NAALADL2: variants seen among roughly 807,000 people sequenced by gnomAD.
The protein encoded by NAALADL2 is inactive N-acetylated-alpha-linked acidic dipeptidase-like protein 2.
NAALADL2 carries 76 observed loss-of-function variants against 87.2 expected under a neutral mutation model. The observed-to-expected ratio is 0.87, with a 90% confidence interval of 0.72 to 1.05. The LOEUF is 1.05. Ranked by LOEUF, NAALADL2 falls within the 50% of genes least tolerant of loss-of-function variation. The pLI is 0.00. For synonymous variants in NAALADL2, 354 were observed against 331.0 expected (o/e 1.07, Z -0.75); for missense variants, 1,089 against 945.8 (o/e 1.15, Z -1.99).
intron 13 of NAALADL2, among the ~76,000 whole-genome samples, chr3:175,760,199 T>A (rs183558259): frequency 6.6e-5 from 10 of 152,242 alleles, no homozygotes; most frequent in Non-Finnish European, 1.5e-5. Flanking sequence ...TAGGTTTAGG[T>A]GGGAAAACAG....
intron 1 of NAALADL2, among the ~76,000 whole-genome samples, chr3:174,534,433 A>C (rs905244417): frequency 3.3e-5 from 5 of 152,232 alleles, no homozygotes; most frequent in African/African-American, 1.2e-4. Context: ...AAATTATTTG[A>C]GCAGCTGAAT....
rs375864191 is a variant in NAALADL2, at chr3:174,843,058, G to T, written c.-9+105312G>T. On this transcript the variant is annotated intron_variant, in intron 3 of 3. Coordinates refer to the NAALADL2 transcript ENST00000434257. Reference sequence around the variant, plus strand: ...TGATACATATGACAATCAAATCAGGGTATTTAGCATATCTATCGCTTCATG... The same window carrying T: ...TGATACATATGACAATCAAATCAGGTTATTTAGCATATCTATCGCTTCATG... Among the ~76,000 whole-genome samples the T allele has an allele frequency of 1.7e-4, 26 of 152,058 alleles. No homozygotes were observed. In the East Asian group the frequency reaches 4.8e-3, roughly 28 times the overall value.
intron 1 of NAALADL2, among the ~76,000 whole-genome samples, chr3:174,506,075 A>C (rs577052995): frequency 6.6e-6 from 1 of 152,170 alleles, no homozygotes; most frequent in East Asian, 1.9e-4. Context: ...CATTGAGATG[A>C]GTAGGATGAT....
chr3:174,935,454 C>G (rs1737552869), intron 1 of NAALADL2, among the ~76,000 whole-genome samples: 2 of 152,254 alleles, frequency 1.3e-5, no homozygotes, highest in Middle Eastern at 3.4e-3. Flanking sequence ...ATTTACATTA[C>G]TTATAGAATA....
At chr3:174,740,626 T>G (rs183639354) in intron 3 of NAALADL2, among the ~76,000 whole-genome samples, 1 of 151,962 alleles carries the variant, frequency 6.6e-6, no homozygotes, top group Non-Finnish European at 1.5e-5. Context: ...TAATTTAAAG[T>G]TTAATGAGGC....
rs530612222 is a variant in NAALADL2 at position 174,770,331 on chromosome 3, T to C, written c.-9+32585T>C. Among the ~76,000 whole-genome samples the C allele has an allele frequency of 3.9e-5, 6 of 152,254 alleles. No individual in the cohort carries two copies. In the East Asian group the frequency reaches 1.2e-3, roughly 29 times the overall value. ...CAATTTTTATCAGAGTAAACAAATA[T>C]AAAGATGTTAAATTGGTGAGAACAG... On this transcript the variant is annotated intron_variant, in intron 3 of 3. Coordinates refer to the NAALADL2 transcript ENST00000434257.
At chr3:175,071,996 T>C (rs77655387) in intron 1 of NAALADL2, among the ~76,000 whole-genome samples, 26 of 152,212 alleles carry the variant, frequency 1.7e-4, no homozygotes, top group Non-Finnish European at 2.8e-4. Context: ...ACTTCACATA[T>C]TCTTTTTTCC....
rs554403076 is a variant in NAALADL2 at position 175,571,628 on chromosome 3, C to G, written c.1654-4413C>G. Among the ~76,000 whole-genome samples, 5 of 152,262 alleles carry G rather than the reference C, an allele frequency of 3.3e-5. No individual in the cohort carries two copies. The South Asian group carries it at 8.3e-4, about 25-fold the overall frequency. On this transcript the variant is annotated intron_variant, in intron 9 of 13. Coordinates refer to ENST00000454872, the MANE Select transcript of NAALADL2 (RefSeq NM_207015.3). ...TCCACTGAAGTGCTGTGAGGAAAAA[C>G]TATTCACATTAGGATTGAATATAGA...
At chr3:174,648,237 C>T (rs1044766210) in intron 2 of NAALADL2, among the ~76,000 whole-genome samples, 5 of 151,888 alleles carry the variant, frequency 3.3e-5, no homozygotes, top group South Asian at 2.1e-4. Flanking sequence ...ACAAGAGAAT[C>T]GCTTGAACCC....
At chr3:175,168,305 T>C (rs1033467667) in intron 2 of NAALADL2, among the ~76,000 whole-genome samples, 2 of 151,908 alleles carry the variant, frequency 1.3e-5, no homozygotes, top group African/African-American at 2.4e-5. Flanking sequence ...AGGCTACTTA[T>C]AATAAATGCA....
intron 3 of NAALADL2, among the ~76,000 whole-genome samples, chr3:174,836,279 T>A (rs921935000): frequency 6.6e-6 from 1 of 152,100 alleles, no homozygotes; most frequent in African/African-American, 2.4e-5. Context: ...GTACCTAGAT[T>A]AGTCAAATTT....
At chr3:174,847,090 T>C (rs577521796) in intron 3 of NAALADL2, among the ~76,000 whole-genome samples, 49 of 152,182 alleles carry the variant, frequency 3.2e-4, no homozygotes, top group Admixed American at 7.9e-4. Context: ...GCAGCTGGGT[T>C]AATGGTATCA....
rs191450837 is a variant in NAALADL2 at position 175,071,508 on chromosome 3, C to T, written c.44-25282C>T. Among the ~76,000 whole-genome samples, 891 of 152,156 alleles carry T rather than the reference C, an allele frequency of 5.9e-3. 4 individuals are homozygous for T. The highest frequency in any genetic ancestry group is 8.6e-3 in the Non-Finnish European group (584 of 67,976). The stretch of plus-strand genomic sequence containing the variant: ...TATATATTCACACATATTACCCTTA[C>T]ATACCTCTGGGAGAGTATAACACAT... On this transcript the variant is annotated intron_variant, in intron 1 of 13. Coordinates refer to ENST00000454872, the MANE Select transcript of NAALADL2 (RefSeq NM_207015.3).
At chr3:175,190,981 CAAAAAAA>C (rs544760324) in intron 2 of NAALADL2, among the ~76,000 whole-genome samples, 37 of 102,066 alleles carry the variant, frequency 3.6e-4, no homozygotes, top group African/African-American at 1.6e-3. Context: ...GACTCCGTCT[CAAAAAAA>C]AAAAAAAAAA....
At chr3:174,466,848 A>G (rs1199561291) in intron 1 of NAALADL2, among the ~76,000 whole-genome samples, 1 of 152,212 alleles carries the variant, frequency 6.6e-6, no homozygotes, top group African/African-American at 2.4e-5. Flanking sequence ...ATATTTAAAC[A>G]CATAGTTCTT....
chr3:175,658,475 A>G (rs1197012225), intron 11 of NAALADL2, among the ~76,000 whole-genome samples: 1 of 152,254 alleles, frequency 6.6e-6, no homozygotes. Flanking sequence ...TCTGTTCAGC[A>G]GAGATTGAGG....
chr3:175,797,584 G>GTATT (rs1012007237), intron 13 of NAALADL2, among the ~76,000 whole-genome samples: 3 of 152,050 alleles, frequency 2.0e-5, no homozygotes, highest in Admixed American at 2.0e-4. Context: ...TCTTTCCACT[G>GTATT]TATTTTTTCT....
chr3:175,173,799 G>T (rs749245711), intron 2 of NAALADL2, among the ~76,000 whole-genome samples: 10 of 152,144 alleles, frequency 6.6e-5, no homozygotes, highest in Admixed American at 2.0e-4. Context: ...CATGCTCTCA[G>T]CATAGTTTGT....
At chr3:175,433,404 C>A (rs1468836559) in intron 5 of NAALADL2, among the ~76,000 whole-genome samples, 1 of 152,032 alleles carries the variant, frequency 6.6e-6, no homozygotes, top group Non-Finnish European at 1.5e-5. Context: ...TTTGTTCAAG[C>A]TCCATTATCA....
Sources: allele counts gnomAD v4.1 joint callset (sites outside exome capture counted in the v4.1 genomes callset), GRCh38; gene constraint gnomAD v4.1.1; transcripts MANE v1.5; gene names NCBI Gene and HGNC (gene_info 2026-07-23, HGNC 2026-07-21).